The following CACNA2D3 variants were observed in gnomAD, a reference collection of about 807,000 sequenced individuals.
CACNA2D3 encodes the protein calcium voltage-gated channel auxiliary subunit alpha2delta 3.
CACNA2D3 carries 60 observed loss-of-function variants against 160.6 expected under a neutral mutation model. That is an observed-to-expected ratio of 0.37 (90% CI 0.30 to 0.46). The LOEUF (loss-of-function observed/expected upper bound fraction) is 0.46. Among genes scored for constraint, CACNA2D3 ranks in the 20% least tolerant of loss-of-function variants. CACNA2D3 has a pLI of 1.00. For missense variants in CACNA2D3, 1,205 were observed against 1,365.0 expected (o/e 0.88, Z 1.85); for synonymous variants, 558 against 492.9 (o/e 1.13, Z -1.75).
chr3:54,984,347 A>G (rs1334708377), intron 29 of CACNA2D3, among the ~76,000 whole-genome samples: 1 of 152,036 alleles, frequency 6.6e-6, no homozygotes, highest in African/African-American at 2.4e-5. Flanking sequence ...TCATTTTTTA[A>G]TGCAATTTTA....
rs866481304 is a variant in CACNA2D3 at position 54,217,248 on chromosome 3, G to A, written c.204+93654G>A. Among the ~76,000 whole-genome samples the A allele has an allele frequency of 6.6e-5, 10 of 152,032 alleles. No individual in the cohort carries two copies. In the Middle Eastern group the frequency reaches 0.02, roughly 310 times the overall value. ...CTTATGGGGACAGGCATGGTCTCTG[G>A]GCCCAGGGGGGCTGGCTTGGGAGCC... On this transcript the variant is annotated intron_variant, in intron 2 of 37. Transcript: ENST00000474759.
chr3:54,386,644 A>T (rs1340896991), intron 3 of CACNA2D3, 71 bp from the exon 4 acceptor site: 1 of 1,389,984 alleles, frequency 7.2e-7, no homozygotes, highest in Non-Finnish European at 9.7e-7. Flanking sequence ...CTTTTGGTCA[A>T]TGGAGAAATG....
chr3:54,483,841 A>G (rs561273626), intron 4 of CACNA2D3, among the ~76,000 whole-genome samples: 3 of 152,384 alleles, frequency 2.0e-5, no homozygotes, highest in East Asian at 3.9e-4. Context: ...AAACATATTC[A>G]GAACACCTAC....
At chr3:54,123,984 G>A (rs1699534410) in intron 2 of CACNA2D3, among the ~76,000 whole-genome samples, 1 of 152,176 alleles carries the variant, frequency 6.6e-6, no homozygotes, top group East Asian at 1.9e-4. Flanking sequence ...TTCACCTTGC[G>A]TTGGAGGCGT....
At chr3:54,905,033 G>A (rs1165419980) in intron 27 of CACNA2D3, among the ~76,000 whole-genome samples, 2 of 152,166 alleles carry the variant, frequency 1.3e-5, no homozygotes, top group Non-Finnish European at 2.9e-5. Flanking sequence ...GATCACATCA[G>A]CAGATAAAAA....
chr3:54,311,050 T>C (rs1185580519), intron 2 of CACNA2D3, among the ~76,000 whole-genome samples: 1 of 152,214 alleles, frequency 6.6e-6, no homozygotes, highest in Non-Finnish European at 1.5e-5. Flanking sequence ...GTGATTCTAC[T>C]GCGATTTGAA....
chr3:54,418,967 C>T (rs1441065276), intron 4 of CACNA2D3, among the ~76,000 whole-genome samples: 1 of 152,210 alleles, frequency 6.6e-6, no homozygotes. Flanking sequence ...GCTTTCAGCC[C>T]TGTCAGCAGA....
At chr3:54,365,561 G>C (rs1313405464) in intron 3 of CACNA2D3, among the ~76,000 whole-genome samples, 1 of 152,110 alleles carries the variant, frequency 6.6e-6, no homozygotes, top group Non-Finnish European at 1.5e-5. Context: ...AAGAAACCCA[G>C]GTGGATAATA....
chr3:54,660,103 C>T (rs1007218835), intron 11 of CACNA2D3, among the ~76,000 whole-genome samples: 9 of 151,946 alleles, frequency 5.9e-5, no homozygotes, highest in Non-Finnish European at 1.2e-4. Flanking sequence ...ATACTTTTTC[C>T]ATGTCATTGG....
intron 2 of CACNA2D3, among the ~76,000 whole-genome samples, chr3:54,212,780 A>G (rs1180973945): frequency 6.6e-6 from 1 of 152,084 alleles, no homozygotes; most frequent in South Asian, 2.1e-4. Flanking sequence ...AGAGTCAGGA[A>G]TGTCTGTCTT....
intron 5 of CACNA2D3, among the ~76,000 whole-genome samples, chr3:54,552,763 G>T (rs1272588001): frequency 6.6e-6 from 1 of 152,176 alleles, no homozygotes; most frequent in Non-Finnish European, 1.5e-5. Flanking sequence ...AAGGAGACTT[G>T]TGAATGGTTT....
chr3:55,074,041 A>G, intron 37 of CACNA2D3, 73 bp from the exon 38 acceptor site: 1 of 1,277,208 alleles, frequency 7.8e-7, no homozygotes, highest in Non-Finnish European at 1.1e-6. Context: ...AGAGAGGGGG[A>G]GAGAGGTCTG....
chr3:54,275,196 G>A (rs886794480), intron 2 of CACNA2D3, among the ~76,000 whole-genome samples: 3 of 152,214 alleles, frequency 2.0e-5, no homozygotes, highest in East Asian at 3.9e-4. Flanking sequence ...TCCCTCTTTC[G>A]TCTCTCATAG....
chr3:54,635,062 G>A (rs1024539200), intron 10 of CACNA2D3, among the ~76,000 whole-genome samples: 2 of 151,916 alleles, frequency 1.3e-5, no homozygotes, highest in African/African-American at 4.9e-5. Context: ...GCGGGATTAG[G>A]GGCGGTGTGG....
rs1698733929 is a variant in CACNA2D3 at position 54,361,091 on chromosome 3, A to G, written c.322-25624A>G. Among the ~76,000 whole-genome samples, 4 of 152,230 alleles carry G rather than the reference A, an allele frequency of 2.6e-5. No individual in the cohort carries two copies. In the South Asian group the frequency reaches 8.3e-4, roughly 32 times the overall value. On this transcript the variant is annotated intron_variant, in intron 3 of 37. Transcript: ENST00000474759. ...ATTTTCAGATAGCTGCACACAAAAC[A>G]TAAAAATGTAATGTTTCTTAGCTGT...
chr3:54,173,467 T>A (rs1229037954), intron 2 of CACNA2D3, among the ~76,000 whole-genome samples: 1 of 152,254 alleles, frequency 6.6e-6, no homozygotes, highest in East Asian at 1.9e-4. Flanking sequence ...GGTTATGAGT[T>A]ACCACAAGGC....
At chr3:54,294,113 C>T (rs1452096334) in intron 2 of CACNA2D3, among the ~76,000 whole-genome samples, 3 of 152,110 alleles carry the variant, frequency 2.0e-5, no homozygotes, top group Non-Finnish European at 2.9e-5. Context: ...GGATTTTGTA[C>T]TTTCTAGCAA....
intron 2 of CACNA2D3, among the ~76,000 whole-genome samples, chr3:54,302,586 C>T (rs189285380): frequency 6.6e-6 from 1 of 152,302 alleles, no homozygotes; most frequent in Admixed American, 6.5e-5. Flanking sequence ...TGCACTCTTT[C>T]TCCACATACT....
intron 13 of CACNA2D3, among the ~76,000 whole-genome samples, chr3:54,774,940 C>G (rs1702398532): frequency 1.3e-5 from 2 of 152,076 alleles, no homozygotes; most frequent in South Asian, 4.2e-4. Context: ...GGCCACTGTT[C>G]CTTGACTCTT....
Sources: allele counts gnomAD v4.1 joint callset (sites outside exome capture counted in the v4.1 genomes callset), GRCh38; gene constraint gnomAD v4.1.1; transcripts MANE v1.5; gene names NCBI Gene and HGNC (gene_info 2026-07-23, HGNC 2026-07-21).